The following DAGLA variants were observed in gnomAD, a reference collection of about 807,000 sequenced individuals.
The protein encoded by DAGLA is diacylglycerol lipase-alpha.
Under a neutral mutation model 102.6 loss-of-function variants are expected in DAGLA, and 22 were observed. The observed-to-expected ratio is 0.21, with a 90% CI of 0.15 to 0.31. DAGLA has a LOEUF of 0.31. Ranked by LOEUF, DAGLA falls within the 10% of genes least tolerant of loss-of-function variation. DAGLA has a pLI of 1.00. For missense variants in DAGLA, 927 were observed against 1,446.6 expected, an observed-to-expected ratio of 0.64 and a Z score of 5.83; for synonymous variants, 578 against 628.9, an observed-to-expected ratio of 0.92 and a Z score of 1.21.
intron 5 of DAGLA, among the ~76,000 whole-genome samples, chr11:61,725,538 G>A (rs982933330): frequency 3.3e-5 from 5 of 152,190 alleles, no homozygotes; most frequent in African/African-American, 1.2e-4. Flanking sequence ...AGGTCTTTCT[G>A]GAAGGTCTGT....
At chr11:61,740,282 C>T (rs2065466123) in intron 17 of DAGLA, among the ~76,000 whole-genome samples, 181 bp from the exon 18 acceptor site, 1 of 152,162 alleles carries the variant, frequency 6.6e-6, no homozygotes, top group Non-Finnish European at 1.5e-5. Context: ...TCAGCCTTTC[C>T]CAGGCTGAGG....
chr11:61,724,966 T>C (rs919400565), intron 5 of DAGLA, among the ~76,000 whole-genome samples: 1 of 152,112 alleles, frequency 6.6e-6, no homozygotes, highest in East Asian at 1.9e-4. Context: ...CCATTTGCCT[T>C]ATGAAGCCAG....
chr11:61,702,974 G>A (rs1372303386), intron 1 of DAGLA, among the ~76,000 whole-genome samples: 1 of 152,236 alleles, frequency 6.6e-6, no homozygotes, highest in African/African-American at 2.4e-5. Context: ...AGTTGCATAT[G>A]TGGGCAGTTC....
In DAGLA at chr11:61,684,244, A is replaced by G. The variant is rs1404573945; in HGVS notation, c.-45+3740A>G. Among the ~76,000 whole-genome samples, 2 of 152,234 alleles carry G rather than the reference A, an allele frequency of 1.3e-5. No homozygotes were observed. The highest frequency in any genetic ancestry group is 4.8e-5 in the African/African-American group (2 of 41,456). On this transcript the variant is annotated intron_variant, in intron 1 of 19. Transcript: ENST00000257215. This position sits in a 1 kb window ranked among gnomAD's most constrained non-coding sequence, Gnocchi z 4.5. The stretch of plus-strand genomic sequence containing the variant: ...CAATTTCTCACCGGAATAGCTTTAC[A>G]TTACACTCCAGTGGACTGGGCAAGT...
At chr11:61,724,979 T>C (rs1276086475) in intron 5 of DAGLA, among the ~76,000 whole-genome samples, 2 of 151,972 alleles carry the variant, frequency 1.3e-5, no homozygotes, top group Non-Finnish European at 2.9e-5. Context: ...GAAGCCAGGG[T>C]TGGAGAGCGG....
At chr11:61,697,277 C>A (rs2065074385) in intron 1 of DAGLA, among the ~76,000 whole-genome samples, 1 of 152,196 alleles carries the variant, frequency 6.6e-6, no homozygotes, top group Non-Finnish European at 1.5e-5. Context: ...CCTACCCAGC[C>A]TCCTGAGCTT....
chr11:61,735,765 T>C lies in DAGLA; in HGVS notation c.1239T>C (p.Asp413=). The change falls in exon 12 of 20, where the codon GAT becomes GAC. Residue 413 remains aspartate, a synonymous_variant. Coordinates refer to ENST00000257215, the MANE Select transcript of DAGLA (RefSeq NM_006133.3). The part of the protein sequence containing the change: ...PKDALTDLTG[D]AERLPVEGHH... ...ATGCCCTGACTGACCTGACGGGTGA[T>C]GCTGAGCGCCTCCCCGTGGAGGGGC... 6.2e-7 allele frequency: 1 copy of C among 1,613,306 alleles called. No homozygotes were observed. Among genetic ancestry groups the C allele is most frequent in the Admixed American group, 1.7e-5 (1 of 59,932 alleles).
At chr11:61,729,937 G>T (rs1360457207) in intron 8 of DAGLA, among the ~76,000 whole-genome samples, 2 of 151,802 alleles carry the variant, frequency 1.3e-5, no homozygotes, top group Non-Finnish European at 2.9e-5. Flanking sequence ...GCCAAGCATG[G>T]TGGCACATGC....
At position 61,686,731 on chromosome 11, in the gene DAGLA, T is replaced by A. The variant is rs964604339; in HGVS notation, c.-45+6227T>A. Among the ~76,000 whole-genome samples the A allele has an allele frequency of 6.6e-6, 1 of 152,200 alleles. No homozygotes were observed. Among genetic ancestry groups the A allele is most frequent in the Non-Finnish European group, 1.5e-5 (1 of 68,040 alleles). ...GATGCTGCCTCGAATTCATCCTGAA[T>A]GGGCCCCTCGTCATTGTCTCTCCTG... is the stretch of plus-strand genomic sequence containing the variant. On this transcript the variant is annotated intron_variant, in intron 1 of 19. Coordinates refer to ENST00000257215, the MANE Select transcript of DAGLA (RefSeq NM_006133.3). This position sits in a 1 kb window ranked among gnomAD's most constrained non-coding sequence, Gnocchi z 5.2.
Position 61,743,663 on chromosome 11 carries a change from C to T in DAGLA, c.2303C>T (p.Ala768Val), listed in dbSNP as rs778280333. 99 of 1,599,144 alleles carry T rather than the reference C, an allele frequency of 6.2e-5. No individual in the cohort carries two copies. Among genetic ancestry groups the T allele is most frequent in the East Asian group, 1.3e-4 (6 of 44,706 alleles). Residue 768 changes from alanine (A) to valine (V), a missense_variant, in exon 20 of 20, where the codon GCG becomes GTG. Coordinates refer to ENST00000257215, the MANE Select transcript of DAGLA (RefSeq NM_006133.3). ...CTGTCTACCCAGGAGCGGCTGGCGG[C>T]GGAGCTGCAGGCCCGGCGGGCACCA... The part of the protein sequence containing the change: ...LLLSTQERLA[A>V]ELQARRAPLA...
chr11:61,726,111 G>T (rs374420768), intron 6 of DAGLA, 29 bp downstream of exon 6: 24 of 1,596,486 alleles, frequency 1.5e-5, no homozygotes, highest in Non-Finnish European at 2.1e-5. Context: ...CTCCCCTCTG[G>T]CTCACATCCT....
chr11:61,699,118 T>G (rs2065089509), intron 1 of DAGLA, among the ~76,000 whole-genome samples: 1 of 152,116 alleles, frequency 6.6e-6, no homozygotes, highest in Non-Finnish European at 1.5e-5. Context: ...GCTGAAGCCC[T>G]GGATGGGAGC....
At chr11:61,724,688 A>C (rs2065310013) in intron 5 of DAGLA, among the ~76,000 whole-genome samples, 1 of 152,188 alleles carries the variant, frequency 6.6e-6, no homozygotes, top group African/African-American at 2.4e-5. Context: ...GTCCCAGCCC[A>C]AAATGTCAGG....
chr11:61,710,366 C>T (rs2065184785), intron 1 of DAGLA, among the ~76,000 whole-genome samples: 1 of 152,072 alleles, frequency 6.6e-6, no homozygotes, highest in South Asian at 2.1e-4. Context: ...GGGACCGCTA[C>T]CTCTCAGGGC....
At chr11:61,738,384 C>T (rs1565264286) in intron 16 of DAGLA, among the ~76,000 whole-genome samples, 177 bp downstream of exon 16, 2 of 152,200 alleles carry the variant, frequency 1.3e-5, no homozygotes, top group Admixed American at 1.3e-4. Flanking sequence ...AAGCTCAACC[C>T]ATCCATCCCC....
At chr11:61,730,056 T>C (rs1478983888) in intron 8 of DAGLA, among the ~76,000 whole-genome samples, 1 of 148,182 alleles carries the variant, frequency 6.7e-6, no homozygotes, top group Admixed American at 6.7e-5. Flanking sequence ...CACTGTCCCT[T>C]AAAAAGAAGA....
chr11:61,741,468 G>T (rs554380595), intron 19 of DAGLA, 119 bp downstream of exon 19: 1 of 1,143,060 alleles, frequency 8.7e-7, no homozygotes, highest in Admixed American at 2.6e-5. Context: ...TGCACAGGAG[G>T]GGTCAAACTC....
Position 61,737,175 on chromosome 11 carries a change from T to C in DAGLA, c.1372-7T>C. The C allele has an allele frequency of 6.2e-7, 1 of 1,613,348 alleles. No homozygotes were observed. Among genetic ancestry groups the C allele is most frequent in the African/African-American group, 1.3e-5 (1 of 75,010 alleles). On this transcript the variant is annotated splice_polypyrimidine_tract_variant and splice_region_variant and intron_variant, in intron 13 of 19. Transcript: ENST00000257215. Reference sequence around the variant, plus strand: ...GGCAGGGCTCTCAGGCTTCTCTCGGTCTCCAGGGCCGCGGAACCAAACACT... The same window carrying C: ...GGCAGGGCTCTCAGGCTTCTCTCGGCCTCCAGGGCCGCGGAACCAAACACT...
At chr11:61,693,879 G>A (rs2065043832) in intron 1 of DAGLA, among the ~76,000 whole-genome samples, 1 of 152,332 alleles carries the variant, frequency 6.6e-6, no homozygotes, top group African/African-American at 2.4e-5. Context: ...AGTCTTCCCT[G>A]ATGATGCCCA....
Sources: gnomAD v4.1 joint callset for allele counts (sites outside exome capture counted in the v4.1 genomes callset) on GRCh38, gnomAD v4.1.1 for gene constraint, Gnocchi (gnomAD v3.1) non-coding constraint, MANE v1.5 for transcripts, NCBI Gene and HGNC (gene_info 2026-07-23, HGNC 2026-07-21) for gene names.